COL4A3: variants seen among roughly 807,000 people sequenced by gnomAD.
The protein encoded by COL4A3 is collagen alpha-3(IV) chain.
In COL4A3, 135 loss-of-function variants were observed where a neutral mutation model predicts 217.4. That is an observed-to-expected ratio of 0.62 (90% CI 0.54 to 0.72). The LOEUF (loss-of-function observed/expected upper bound fraction) is 0.72, where lower values mean the gene tolerates loss of function less well. Among genes scored for constraint, COL4A3 ranks in the 30% least tolerant of loss-of-function variants. The pLI is 0.00. For missense variants in COL4A3, 1,868 were observed against 2,119.9 expected, an observed-to-expected ratio of 0.88 and a Z score of 2.33; for synonymous variants, 690 against 736.3, an observed-to-expected ratio of 0.94 and a Z score of 1.02.
At chr2:227,288,375 G>A (rs1039180191) in intron 34 of COL4A3, among the ~76,000 whole-genome samples, 1 of 152,204 alleles carries the variant, frequency 6.6e-6, no homozygotes, top group Non-Finnish European at 1.5e-5. Context: ...GGGATTACAG[G>A]CGTGAGCCAC....
chr2:227,235,079 T>C (rs2068618076), intron 1 of COL4A3, among the ~76,000 whole-genome samples: 1 of 152,164 alleles, frequency 6.6e-6, no homozygotes, highest in African/African-American at 2.4e-5. Context: ...GGCTTTCCTT[T>C]CGGAGGCCCT....
chr2:227,280,374 CAG>C, intron 29 of COL4A3, 64 bp from the exon 30 acceptor site: 1 of 1,580,026 alleles, frequency 6.3e-7, no homozygotes. Context: ...GCCTCCATAA[CAG>C]AGAGTCAATA....
intron 34 of COL4A3, among the ~76,000 whole-genome samples, chr2:227,287,814 A>G (rs1397666196): frequency 6.6e-6 from 1 of 152,184 alleles, no homozygotes; most frequent in African/African-American, 2.4e-5. Context: ...ATCTTCCTGG[A>G]TGATAATTAT....
intron 2 of COL4A3, among the ~76,000 whole-genome samples, chr2:227,238,822 G>C (rs540849430): frequency 1.3e-5 from 2 of 151,688 alleles, no homozygotes; most frequent in Non-Finnish European, 2.9e-5. Flanking sequence ...GTTTTTTCTT[G>C]AATCTGTGAA....
chr2:227,246,614 A>T, intron 6 of COL4A3, 71 bp from the exon 7 acceptor site: 1 of 1,304,902 alleles, frequency 7.7e-7, no homozygotes, highest in Non-Finnish European at 1.1e-6. Flanking sequence ...GGAAGCGAGA[A>T]ACAGGAAAAA....
chr2:227,195,724 C>T (rs1057153468), intron 1 of COL4A3, among the ~76,000 whole-genome samples: 2 of 141,738 alleles, frequency 1.4e-5, no homozygotes, highest in African/African-American at 2.8e-5. Context: ...GTAGAACAGC[C>T]TCAGGCAGGT....
chr2:227,225,142 G>A (rs1290596379), intron 1 of COL4A3, among the ~76,000 whole-genome samples: 4 of 152,228 alleles, frequency 2.6e-5, no homozygotes, highest in Admixed American at 2.0e-4. Flanking sequence ...CTGGGCTCAA[G>A]TAATCCTCCC....
intron 1 of COL4A3, among the ~76,000 whole-genome samples, chr2:227,197,792 G>A (rs1468313516): frequency 6.6e-6 from 1 of 152,190 alleles, no homozygotes; most frequent in African/African-American, 2.4e-5. Flanking sequence ...GCCAGGCATG[G>A]TGGTGAGGGT....
In COL4A3 at chr2:227,283,424, A is replaced by G. The variant is rs370582228; in HGVS notation, c.2657-343A>G. On this transcript the variant is annotated intron_variant, in intron 32 of 51. Coordinates refer to ENST00000396578, the MANE Select transcript of COL4A3 (RefSeq NM_000091.5). ...AGGATCAATAATAGAAATATTTAAA[A>G]TCTAAGTTCAATTTGAGACAAGTGT... Among the ~76,000 whole-genome samples, 15 of 152,352 alleles carry G rather than the reference A, an allele frequency of 9.8e-5. No homozygotes were observed. In the East Asian group the frequency reaches 2.7e-3, roughly 27 times the overall value.
chr2:227,296,635 G>A (rs1201827744), intron 41 of COL4A3: 2 of 391,498 alleles, frequency 5.1e-6, no homozygotes, highest in Non-Finnish European at 7.0e-6. Context: ...AGCCATCTTG[G>A]TACTTCAGGT....
At chr2:227,289,880 C>A in intron 35 of COL4A3, 119 bp from the exon 36 acceptor site, 2 of 948,378 alleles carry the variant, frequency 2.1e-6, no homozygotes, top group Non-Finnish European at 3.3e-6. Flanking sequence ...TAGACAAGTG[C>A]CCAAACCAGC....
At chr2:227,167,394 C>T (rs923416896) in intron 1 of COL4A3, among the ~76,000 whole-genome samples, 1 of 152,226 alleles carries the variant, frequency 6.6e-6, no homozygotes. Context: ...AGGCTGGCTG[C>T]CCAGCGCATC....
intron 28 of COL4A3, among the ~76,000 whole-genome samples, chr2:227,278,898 G>A (rs2071760148): frequency 6.6e-6 from 1 of 152,128 alleles, no homozygotes; most frequent in African/African-American, 2.4e-5. Context: ...CTTCACCGTG[G>A]CTTCCTCTTC....
chr2:227,209,779 T>G (rs2067243913), intron 1 of COL4A3, among the ~76,000 whole-genome samples: 1 of 152,110 alleles, frequency 6.6e-6, no homozygotes, highest in African/African-American at 2.4e-5. Flanking sequence ...GAGGCGGAGG[T>G]TGCAGTGAGC....
At chr2:227,192,977 A>G (rs372577058) in intron 1 of COL4A3, among the ~76,000 whole-genome samples, 15 of 152,222 alleles carry the variant, frequency 9.9e-5, no homozygotes, top group African/African-American at 3.6e-4. Flanking sequence ...AAATCACTCT[A>G]TCAAATCACT....
intron 34 of COL4A3, among the ~76,000 whole-genome samples, 156 bp from the exon 35 acceptor site, chr2:227,288,994 A>G (rs574305389): frequency 2.2e-5 from 3 of 134,148 alleles, no homozygotes; most frequent in Non-Finnish European, 3.0e-5. Flanking sequence ...TCTGTCGCCC[A>G]CGCTGGAGTG....
At chr2:227,201,569 C>A (rs935918350) in intron 1 of COL4A3, among the ~76,000 whole-genome samples, 1 of 152,136 alleles carries the variant, frequency 6.6e-6, no homozygotes, top group Non-Finnish European at 1.5e-5. Context: ...GACCTTATTT[C>A]AATAGACTGT....
In COL4A3 at chr2:227,253,409, T is replaced by A; in HGVS notation, c.687+72T>A. The A allele has an allele frequency of 1.9e-6, 3 of 1,540,136 alleles. No individual in the cohort carries two copies. The highest frequency in any genetic ancestry group is 2.7e-6 in the Non-Finnish European group (3 of 1,112,540). On this transcript the variant is annotated intron_variant, in intron 12 of 51. Transcript: ENST00000396578. The surrounding 1 kb of genome is among the most constrained non-coding windows in gnomAD (Gnocchi z 4.4). ...CCAGAGCATATCAGCCTATACCGTTTACTTACGGGCCAAGCTGAAATTGAT... is the reference window on the plus strand; with the variant it reads ...CCAGAGCATATCAGCCTATACCGTTAACTTACGGGCCAAGCTGAAATTGAT...
chr2:227,236,002 G>A (rs1380613541), intron 1 of COL4A3, among the ~76,000 whole-genome samples: 2 of 140,788 alleles, frequency 1.4e-5, no homozygotes, highest in African/African-American at 5.2e-5. Flanking sequence ...TCGAACTCCT[G>A]ACCTCAGGTG....
Sources: gnomAD v4.1 joint callset for allele counts (sites outside exome capture counted in the v4.1 genomes callset) on GRCh38, gnomAD v4.1.1 for gene constraint, Gnocchi (gnomAD v3.1) non-coding constraint, MANE v1.5 for transcripts, NCBI Gene and HGNC (gene_info 2026-07-23, HGNC 2026-07-21) for gene names.